Variants in BET1L observed in about 807,000 individuals in gnomAD.
The protein encoded by BET1L is BET1-like protein.
Under a neutral mutation model 12.6 loss-of-function variants are expected in BET1L, and 13 were observed. The observed-to-expected ratio is 1.03, with a 90% CI of 0.67 to 1.64. BET1L has a LOEUF of 1.64. Ranked by LOEUF, BET1L falls within the 40% of genes most tolerant of loss-of-function variation. The probability of loss-of-function intolerance (pLI) is 0.00; values close to 1 mark genes in which losing one functional copy is unlikely to be tolerated. For missense variants in BET1L, 154 were observed against 150.7 expected (o/e 1.02, Z -0.11); for synonymous variants, 60 against 56.9 (o/e 1.05, Z -0.25).
chr11:207,176 C>A (rs1363872467), intron 1 of BET1L, 127 bp downstream of exon 1: 9 of 1,281,682 alleles, frequency 7.0e-6, no homozygotes, highest in Non-Finnish European at 8.3e-6. Flanking sequence ...GAATCCGCCC[C>A]CCTGACAGGG....
chr11:205,907 C>A, intron 2 of BET1L, 45 bp downstream of exon 2: 1 of 1,593,346 alleles, frequency 6.3e-7, no homozygotes, highest in Non-Finnish European at 8.6e-7. Flanking sequence ...GATCCCCATT[C>A]CCCAAAGGCA....
rs1564795463 is a variant in BET1L at position 203,724 on chromosome 11, G to A, written c.*1578C>T. 3 of 152,924 alleles carry A rather than the reference G, an allele frequency of 2.0e-5. No individual in the cohort carries two copies. Among genetic ancestry groups the A allele is most frequent in the Non-Finnish European group, 2.9e-5 (2 of 68,284 alleles). 9.5% of individuals were successfully genotyped at this position (152,924 alleles called of 1,614,324 possible). ...GGAGGGGGAAGCAAGCTGGGAGCAA[G>A]ACCAGCCCAGCTAGGTTTCAGGGCA... is the stretch of plus-strand genomic sequence containing the variant. On this transcript the variant is annotated 3_prime_UTR_variant, in exon 4 of 4. Transcript: ENST00000382762.
Position 205,645 on chromosome 11 carries a change from T to C in BET1L, c.134A>G (p.Asp45Gly). Residue 45 changes from aspartate to glycine, a missense_variant, in exon 3 of 4, where the codon GAT becomes GGT. Coordinates refer to ENST00000382762, the MANE Select transcript of BET1L (RefSeq NM_001098787.2). ...LKSLALDIDR[D>G]AEDQNRYLDG... ...CAGGTACCGGTTCTGATCCTCTGCA[T>C]CCCTATCGATGTCCAGGGCGAGCTG... The C allele has an allele frequency of 1.9e-6, 3 of 1,612,040 alleles. No individual in the cohort carries two copies. The highest frequency in any genetic ancestry group is 2.2e-5 in the South Asian group (2 of 91,066).
In BET1L at chr11:206,006, C is replaced by T. The variant is rs775716817; in HGVS notation, c.57G>A (p.Arg19=). The T allele has an allele frequency of 6.2e-7, 1 of 1,613,930 alleles. No individual in the cohort carries two copies. The highest frequency in any genetic ancestry group is 1.3e-5 in the African/African-American group (1 of 74,912). The part of the protein sequence containing the change: ...SPGAVEEILD[R]ENKRMADSLA... ...GGCTGTCAGCCATTCGCTTGTTCTCCCGGTCTAGAATCTCTTCCACAGCGC... is the reference window on the plus strand; with the variant it reads ...GGCTGTCAGCCATTCGCTTGTTCTCTCGGTCTAGAATCTCTTCCACAGCGC... The change falls in exon 2 of 4, where the codon CGG becomes CGA. Residue 19 remains arginine (R), a synonymous_variant. Coordinates refer to ENST00000382762, the MANE Select transcript of BET1L (RefSeq NM_001098787.2).
rs1855118051 is a variant in BET1L at position 205,110 on chromosome 11, A to G, written c.*192T>C. On this transcript the variant is annotated 3_prime_UTR_variant, in exon 4 of 4. Coordinates refer to ENST00000382762, the MANE Select transcript of BET1L (RefSeq NM_001098787.2). Reference sequence around the variant, plus strand: ...GTTTCCCCGAGAGAGTCCCTTTCACACATGGGACCAGCCAACATGAGCTCA... The same window carrying G: ...GTTTCCCCGAGAGAGTCCCTTTCACGCATGGGACCAGCCAACATGAGCTCA... The G allele has an allele frequency of 1.4e-6, 1 of 732,084 alleles. No individual in the cohort carries two copies. The highest frequency in any genetic ancestry group is 3.0e-5 in the Admixed American group (1 of 33,186). The allele number at this position is 732,084 out of a possible 1,614,324, so 45.3% of individuals were successfully genotyped here. A position where few individuals can be genotyped will look rare whatever the true frequency, so the allele number is the denominator to read the frequency against.
At position 205,932 on chromosome 11, in the gene BET1L, G is replaced by A. The variant is rs1426969297; in HGVS notation, c.111+20C>T. ...CCCCAAAGGCACCAGGTGGAGGTAAGAGGACAGACCACCACTGACCGATTT... is the reference window on the plus strand; with the variant it reads ...CCCCAAAGGCACCAGGTGGAGGTAAAAGGACAGACCACCACTGACCGATTT... On this transcript the variant is annotated intron_variant, in intron 2 of 3. Transcript: ENST00000382762. 1.2e-6 allele frequency: 2 copies of A among 1,612,068 alleles called. No homozygotes were observed. Among genetic ancestry groups the A allele is most frequent in the Admixed American group, 1.7e-5 (1 of 60,030 alleles).
Position 207,304 on chromosome 11 carries a change from C to T in BET1L, c.18G>A (p.Arg6=). ...ACGGCTCCGCTCTCCCGCGCTCACC[C>T]CGAGCCCAGTCCGCCATCGTGCCCT... MADWA[R]AQSPGAVEEI... The change falls in exon 1 of 4, where the codon CGG becomes CGA. Residue 6 remains arginine (R), a splice_region_variant and synonymous_variant. Transcript: ENST00000382762. The T allele has an allele frequency of 1.9e-6, 3 of 1,546,504 alleles. No individual in the cohort carries two copies. Among genetic ancestry groups the T allele is most frequent in the Non-Finnish European group, 2.6e-6 (3 of 1,154,388 alleles).
intron 1 of BET1L, 31 bp downstream of exon 1, chr11:207,272 G>A (rs1295504461): frequency 6.6e-7 from 1 of 1,525,632 alleles, no homozygotes; most frequent in Non-Finnish European, 8.7e-7. Context: ...GCCCGGCCCT[G>A]CCCCCAACGG....
rs553777500 is a variant in BET1L, at chr11:205,246, C to T, written c.*56G>A. The stretch of plus-strand genomic sequence containing the variant: ...GTAAGTCCTCTGGAGCCCAAAACAC[C>T]AGGCAGGGAAGACCCTGGCTGCCCT... On this transcript the variant is annotated 3_prime_UTR_variant, in exon 4 of 4. Coordinates refer to ENST00000382762, the MANE Select transcript of BET1L (RefSeq NM_001098787.2). 6.4e-7 allele frequency: 1 copy of T among 1,560,896 alleles called. No individual in the cohort carries two copies. Among genetic ancestry groups the T allele is most frequent in the East Asian group, 2.3e-5 (1 of 43,920 alleles).
In BET1L at chr11:207,365, C is replaced by CAGCCGCCTCAGACGTGGCCACA; in HGVS notation, c.-45_-44insTGTGGCCACGTCTGAGGCGGCT. Reference sequence around the variant, plus strand: ...CTCGACGCGGACACCGACGCGGCCACAGCCGCCTCAGACGTGGCGCAGTCG... The same window carrying CAGCCGCCTCAGACGTGGCCACA: ...CTCGACGCGGACACCGACGCGGCCACAGCCGCCTCAGACGTGGCCACAAGCCGCCTCAGACGTGGCGCAGTCG... On this transcript the variant is annotated 5_prime_UTR_variant, in exon 1 of 4. Coordinates refer to ENST00000382762, the MANE Select transcript of BET1L (RefSeq NM_001098787.2). 1 of 1,540,536 alleles carries CAGCCGCCTCAGACGTGGCCACA rather than the reference C, an allele frequency of 6.5e-7. No individual in the cohort carries two copies. The highest frequency in any genetic ancestry group is 8.7e-7 in the Non-Finnish European group (1 of 1,151,018).
At position 205,140 on chromosome 11, in the gene BET1L, G is replaced by T; in HGVS notation, c.*162C>A. ...GGACCAGCCAACATGAGCTCATCAG[G>T]TCACAGGCAGCCGCAGCCTCCTGCC... On this transcript the variant is annotated 3_prime_UTR_variant, in exon 4 of 4. Coordinates refer to ENST00000382762, the MANE Select transcript of BET1L (RefSeq NM_001098787.2). 2 of 996,566 alleles carry T rather than the reference G, an allele frequency of 2.0e-6. No individual in the cohort carries two copies. Among genetic ancestry groups the T allele is most frequent in the Non-Finnish European group, 2.9e-6 (2 of 699,102 alleles). The allele number at this position is 996,566 out of a possible 1,614,324, so 61.7% of individuals were successfully genotyped here. A position where few individuals can be genotyped will look rare whatever the true frequency, so the allele number is the denominator to read the frequency against.
chr11:204,474 G>A lies in BET1L; in HGVS notation c.*828C>T, dbSNP rs1855107621. On this transcript the variant is annotated 3_prime_UTR_variant, in exon 4 of 4. Coordinates refer to ENST00000382762, the MANE Select transcript of BET1L (RefSeq NM_001098787.2). Reference sequence around the variant, plus strand: ...AACCTTCTTGTGTAGACCCACAGAAGCTCCCTGGCCCTGCCTGCTTTGCCT... The same window carrying A: ...AACCTTCTTGTGTAGACCCACAGAAACTCCCTGGCCCTGCCTGCTTTGCCT... 6.6e-6 allele frequency: 1 copy of A among 152,248 alleles called. No homozygotes were observed. Among genetic ancestry groups the A allele is most frequent in the Admixed American group, 6.5e-5 (1 of 15,292 alleles). 9.4% of individuals were successfully genotyped at this position (152,248 alleles called of 1,614,324 possible).
Position 207,346 on chromosome 11 carries a change from G to C in BET1L, c.-25C>G. On this transcript the variant is annotated 5_prime_UTR_variant, in exon 1 of 4. Coordinates refer to ENST00000382762, the MANE Select transcript of BET1L (RefSeq NM_001098787.2). ...TCGTGCCCTGCCCCGGCTCCTCGAC[G>C]CGGACACCGACGCGGCCACAGCCGC... The C allele has an allele frequency of 1.9e-6, 3 of 1,550,582 alleles. No individual in the cohort carries two copies. The highest frequency in any genetic ancestry group is 1.7e-6 in the Non-Finnish European group (2 of 1,156,098).
Position 205,259 on chromosome 11 carries a change from C to A in BET1L, c.*43G>T, listed in dbSNP as rs773886287. On this transcript the variant is annotated 3_prime_UTR_variant, in exon 4 of 4. Transcript: ENST00000382762. Reference sequence around the variant, plus strand: ...AGCCCAAAACACCAGGCAGGGAAGACCCTGGCTGCCCTTGGCACCCACAGA... The same window carrying A: ...AGCCCAAAACACCAGGCAGGGAAGAACCTGGCTGCCCTTGGCACCCACAGA... The A allele has an allele frequency of 2.5e-6, 4 of 1,587,470 alleles. No homozygotes were observed.
At chr11:207,213 G>A (rs1855190393) in intron 1 of BET1L, 90 bp downstream of exon 1, 1 of 1,468,184 alleles carries the variant, frequency 6.8e-7, no homozygotes, top group African/African-American at 1.5e-5. Flanking sequence ...CACCCCAGCT[G>A]GGCCAGAGGC....
At chr11:207,009 C>A (rs555038909) in intron 1 of BET1L, 2 of 473,840 alleles carry the variant, frequency 4.2e-6, no homozygotes, top group East Asian at 7.8e-5. Flanking sequence ...CCGCTCACCC[C>A]GAACCCATGC....
Position 205,318 on chromosome 11 carries a change from G to C in BET1L, c.320C>G (p.Ser107Cys). The C allele has an allele frequency of 1.2e-5, 19 of 1,613,180 alleles. No homozygotes were observed. Among genetic ancestry groups the C allele is most frequent in the Non-Finnish European group, 1.6e-5 (19 of 1,179,456 alleles). ...VAFFILSYFL[S>C]RART is the part of the protein sequence containing the mutation. ...CCCACTGGCTCACGTCCTTGCCCTG[G>C]ACAAGAAGTAGGAGAGGATGAAGAA... Residue 107 changes from serine (S) to cysteine (C), a missense_variant, in exon 4 of 4, where the codon TCC becomes TGC. Physicochemically the swap from Ser to Cys is moderately radical, Grantham distance 112. Transcript: ENST00000382762.
At chr11:205,710 A>G in intron 2 of BET1L, 43 bp from the exon 3 acceptor site, 1 of 1,587,074 alleles carries the variant, frequency 6.3e-7, no homozygotes, top group Non-Finnish European at 8.6e-7. Flanking sequence ...CAGAGCAGAC[A>G]CATAATACAG....
intron 1 of BET1L, chr11:207,030 C>G: frequency 2.0e-6 from 1 of 501,778 alleles, no homozygotes; most frequent in Non-Finnish European, 3.5e-6. Context: ...AGAACGATCT[C>G]ACAGGGGGCG....
Sources: gnomAD v4.1 joint callset for allele counts on GRCh38, gnomAD v4.1.1 for gene constraint, MANE v1.5 for transcripts, NCBI Gene and HGNC (gene_info 2026-07-23, HGNC 2026-07-21) for gene names.